The following SLC8A1 variants were observed in gnomAD, a reference collection of about 807,000 sequenced individuals.
SLC8A1 encodes the protein sodium/calcium exchanger 1.
A neutral mutation model predicts 68.3 loss-of-function variants in SLC8A1; 18 were observed. The ratio of observed to expected loss-of-function variants is 0.26; its 90% CI spans 0.18 to 0.39. SLC8A1 has a LOEUF of 0.39. Ranked by LOEUF, SLC8A1 falls within the 10% of genes least tolerant of loss-of-function variation. The probability of loss-of-function intolerance (pLI) is 1.00; values close to 1 mark genes in which losing one functional copy is unlikely to be tolerated. For synonymous variants in SLC8A1, 475 were observed against 415.5 expected (o/e 1.14, Z -1.74); for missense variants, 985 against 1,156.7 (o/e 0.85, Z 2.15).
At chr2:40,253,721 GGAGGCT>G (rs2063376524) in intron 2 of SLC8A1, among the ~76,000 whole-genome samples, 1 of 151,552 alleles carries the variant, frequency 6.6e-6, no homozygotes, top group Admixed American at 6.6e-5. Context: ...CAGCTACTCG[GGAGGCT>G]GAGGCAGGAG....
chr2:40,372,886 A>G (rs1678591648), intron 2 of SLC8A1, among the ~76,000 whole-genome samples: 1 of 152,070 alleles, frequency 6.6e-6, no homozygotes, highest in African/African-American at 2.4e-5. Context: ...AAATTGCCTC[A>G]CTCTACTAGT....
At chr2:40,248,219 T>C (rs1412612880) in intron 2 of SLC8A1, among the ~76,000 whole-genome samples, 1 of 152,218 alleles carries the variant, frequency 6.6e-6, no homozygotes. Context: ...GGGTCAGTTT[T>C]CTACAGTGAT....
intron 2 of SLC8A1, among the ~76,000 whole-genome samples, chr2:40,205,049 C>T (rs1385005066): frequency 1.3e-5 from 2 of 151,880 alleles, no homozygotes; most frequent in Admixed American, 6.6e-5. Context: ...GGCATATAGT[C>T]ATTTTAAATT....
intron 2 of SLC8A1, among the ~76,000 whole-genome samples, chr2:40,368,078 G>T (rs1021671187): frequency 5.9e-5 from 9 of 151,926 alleles, no homozygotes; most frequent in African/African-American, 2.2e-4. Context: ...AACTTTTTGT[G>T]ATCTGTAGCT....
chr2:40,371,893 G>T (rs553705004), intron 2 of SLC8A1, among the ~76,000 whole-genome samples: 21 of 152,192 alleles, frequency 1.4e-4, no homozygotes, highest in African/African-American at 5.1e-4. Flanking sequence ...CAGGTCCCCA[G>T]TTGGTCTCCT....
chr2:40,269,664 C>G (rs1019242545), intron 2 of SLC8A1, among the ~76,000 whole-genome samples: 37 of 152,124 alleles, frequency 2.4e-4, no homozygotes, highest in Non-Finnish European at 5.3e-4. Context: ...GAGGAGGAAG[C>G]CACTGATTGT....
chr2:40,289,652 A>C (rs1372719232), intron 2 of SLC8A1, among the ~76,000 whole-genome samples: 1 of 151,944 alleles, frequency 6.6e-6, no homozygotes, highest in Non-Finnish European at 1.5e-5. Context: ...GGAGTTGGAG[A>C]CCAGCCTGGC....
intron 1 of SLC8A1, among the ~76,000 whole-genome samples, chr2:40,499,624 C>T (rs1705922501): frequency 6.6e-6 from 1 of 152,062 alleles, no homozygotes; most frequent in African/African-American, 2.4e-5. Context: ...ACACACTTCC[C>T]ATCAGAGTTT....
chr2:40,295,740 A>C (rs1159564213), intron 2 of SLC8A1, among the ~76,000 whole-genome samples: 2 of 152,198 alleles, frequency 1.3e-5, no homozygotes, highest in Non-Finnish European at 2.9e-5. Flanking sequence ...AAGATTATGA[A>C]TCCTATAAAG....
intron 2 of SLC8A1, among the ~76,000 whole-genome samples, chr2:40,313,214 G>C (rs1436399559): frequency 6.6e-6 from 1 of 152,058 alleles, no homozygotes; most frequent in Admixed American, 6.6e-5. Flanking sequence ...AAGGAGGAGA[G>C]TCAGGCTTTC....
intron 2 of SLC8A1, among the ~76,000 whole-genome samples, chr2:40,415,400 A>G (rs1400284300): frequency 2.0e-5 from 3 of 151,960 alleles, no homozygotes; most frequent in Admixed American, 6.6e-5. Context: ...GACATAGAAG[A>G]AAAATCAATT....
intron 2 of SLC8A1, among the ~76,000 whole-genome samples, chr2:40,422,599 A>G (rs1020652867): frequency 6.6e-6 from 1 of 152,156 alleles, no homozygotes; most frequent in African/African-American, 2.4e-5. Flanking sequence ...ATGGTGACAG[A>G]GCAATAACTC....
chr2:40,238,183 G>T (rs1025625835), intron 2 of SLC8A1, among the ~76,000 whole-genome samples: 1 of 151,910 alleles, frequency 6.6e-6, no homozygotes, highest in Non-Finnish European at 1.5e-5. Flanking sequence ...CCTGGGCAAT[G>T]GCGGGCGCCC....
At chr2:40,247,452 GTGTGGAGA>G (rs141743895) in intron 2 of SLC8A1, among the ~76,000 whole-genome samples, 20,467 of 151,700 alleles carry the variant, frequency 0.13, 1,640 homozygotes, top group African/African-American at 0.21. Context: ...GTGTGTGTGT[GTGTGGAGA>G]GAGAGAGACA....
intron 1 of SLC8A1, among the ~76,000 whole-genome samples, chr2:40,500,875 T>G (rs2149935940): frequency 6.9e-6 from 1 of 144,314 alleles, no homozygotes; most frequent in African/African-American, 2.6e-5. Flanking sequence ...AGGAAGAACT[T>G]TTACAAAGGT....
exon 2 of SLC8A1, chr2:40,428,792 T>G (rs1697567309): frequency 6.2e-7 from 1 of 1,613,718 alleles, no homozygotes; most frequent in South Asian, 1.1e-5. Context: ...ACTTTGACAT[T>G]GCTGAGATGC....
At chr2:40,488,170 T>C (rs941161494) in intron 1 of SLC8A1, among the ~76,000 whole-genome samples, 11 of 147,910 alleles carry the variant, frequency 7.4e-5, no homozygotes, top group Admixed American at 6.8e-5. Context: ...CAAGATGAGA[T>C]AAACTGCCAG....
At chr2:40,158,996 A>G (rs114787644) in intron 6 of SLC8A1, among the ~76,000 whole-genome samples, 96 of 152,274 alleles carry the variant, frequency 6.3e-4, no homozygotes, top group African/African-American at 2.1e-3. Context: ...TTCTATTGCT[A>G]TAGACTGGTC....
At chr2:40,493,923 C>G (rs954973223) in intron 1 of SLC8A1, among the ~76,000 whole-genome samples, 3 of 151,098 alleles carry the variant, frequency 2.0e-5, no homozygotes, top group African/African-American at 7.3e-5. Context: ...CCTCTTTTTT[C>G]CTTTCCTTCC....
Sources: gnomAD v4.1 joint callset for allele counts (sites outside exome capture counted in the v4.1 genomes callset) on GRCh38, gnomAD v4.1.1 for gene constraint, MANE v1.5 for transcripts, NCBI Gene and HGNC (gene_info 2026-07-23, HGNC 2026-07-21) for gene names.